The following BTBD9 variants were observed in gnomAD, a reference collection of about 807,000 sequenced individuals.
BTBD9 encodes the protein BTB domain containing 9, also known as BTB/POZ domain-containing protein 9.
A neutral mutation model predicts 64.3 loss-of-function variants in BTBD9; 49 were observed. That is an observed-to-expected ratio of 0.76 (90% CI 0.61 to 0.97). BTBD9 has a LOEUF of 0.97. BTBD9 is among the 50% of genes least tolerant of loss of function. The probability of loss-of-function intolerance (pLI) is 0.00; values close to 1 mark genes in which losing one functional copy is unlikely to be tolerated. For synonymous variants in BTBD9, 260 were observed against 274.7 expected, an observed-to-expected ratio of 0.95 and a Z score of 0.53; for missense variants, 598 against 762.1, an observed-to-expected ratio of 0.78 and a Z score of 2.53.
chr6:38,474,104 G>C (rs1056917770), intron 6 of BTBD9, among the ~76,000 whole-genome samples: 4 of 152,156 alleles, frequency 2.6e-5, no homozygotes, highest in Non-Finnish European at 5.9e-5. Flanking sequence ...ATAATGAGAA[G>C]CTTAATGGGT....
chr6:38,338,968 G>T (rs1366549897), intron 7 of BTBD9, among the ~76,000 whole-genome samples: 1 of 152,300 alleles, frequency 6.6e-6, no homozygotes, highest in Non-Finnish European at 1.5e-5. Context: ...AACATGCTCT[G>T]CTGGCAAGGC....
rs528581766 is a variant in BTBD9 at position 38,446,946 on chromosome 6, A to G, written c.1155-101853T>C. ...ACCAGGGCAGGCAAAATTCCTGTAC[A>G]CATGGCTAATTAGAAAGTCTGAATG... On this transcript the variant is annotated intron_variant, in intron 6 of 10. Transcript: ENST00000481247. Among the ~76,000 whole-genome samples the G allele has an allele frequency of 2.0e-5, 3 of 152,364 alleles. No individual in the cohort carries two copies. The East Asian group carries it at 5.8e-4, about 29-fold the overall frequency.
At chr6:38,485,490 T>C (rs1337581119) in intron 6 of BTBD9, among the ~76,000 whole-genome samples, 1 of 152,216 alleles carries the variant, frequency 6.6e-6, no homozygotes, top group Non-Finnish European at 1.5e-5. Context: ...GAATGGATGT[T>C]GTGTTAACAG....
intron 6 of BTBD9, among the ~76,000 whole-genome samples, chr6:38,513,569 A>G (rs1305569157): frequency 6.6e-6 from 1 of 152,220 alleles, no homozygotes; most frequent in African/African-American, 2.4e-5. Context: ...AAATCAAATT[A>G]GGTCTACTAC....
chr6:38,379,970 T>C (rs1299459212), intron 6 of BTBD9, among the ~76,000 whole-genome samples: 1 of 152,270 alleles, frequency 6.6e-6, no homozygotes, highest in South Asian at 2.1e-4. Context: ...AATATAGGTA[T>C]GTATAAATGC....
intron 8 of BTBD9, among the ~76,000 whole-genome samples, chr6:38,286,066 A>G (rs749360295): frequency 2.0e-5 from 3 of 152,178 alleles, no homozygotes; most frequent in Non-Finnish European, 4.4e-5. Flanking sequence ...TTGTACAGGT[A>G]GCTGATGTGG....
At chr6:38,430,214 T>TTTTTA (rs1056729523) in intron 6 of BTBD9, among the ~76,000 whole-genome samples, 1 of 151,932 alleles carries the variant, frequency 6.6e-6, no homozygotes, top group Non-Finnish European at 1.5e-5. Flanking sequence ...GCTTTAAACT[T>TTTTTA]TTTTATTTTA....
intron 9 of BTBD9, among the ~76,000 whole-genome samples, chr6:38,234,446 G>A (rs1330994568): frequency 6.6e-6 from 1 of 152,170 alleles, no homozygotes; most frequent in Non-Finnish European, 1.5e-5. Flanking sequence ...GACCCCACAT[G>A]GAAGAGTTGA....
chr6:38,620,014 T>A (rs1335494040), intron 1 of BTBD9, among the ~76,000 whole-genome samples: 1 of 152,160 alleles, frequency 6.6e-6, no homozygotes, highest in Non-Finnish European at 1.5e-5. Context: ...GGGCAAAAAA[T>A]GCCTGCCCAG....
chr6:38,505,964 C>CAACAAAAAAAAAAAAAAA (rs1175511241), intron 6 of BTBD9, among the ~76,000 whole-genome samples: 53 of 82,652 alleles, frequency 6.4e-4, no homozygotes, highest in African/African-American at 2.1e-3. Flanking sequence ...TCCGTCTCAA[C>CAACAAAAAAAAAAAAAAA]AAAAAAAAAA....
intron 6 of BTBD9, among the ~76,000 whole-genome samples, chr6:38,554,827 T>C (rs1774947981): frequency 6.6e-6 from 1 of 152,216 alleles, no homozygotes; most frequent in Non-Finnish European, 1.5e-5. Context: ...CAGCAGGGTA[T>C]ATGAAACTCC....
At position 38,545,855 on chromosome 6, in the gene BTBD9, T is replaced by TACACACACACACAC. The variant is rs34465570; in HGVS notation, c.1154+31731_1154+31744dup. On this transcript the variant is annotated intron_variant, in intron 6 of 10. Coordinates refer to ENST00000481247, the MANE Select transcript of BTBD9 (RefSeq NM_001099272.2). ...TATTTAAAACACACACACACACACATACACACACACACACACACACACACA... is the reference window on the plus strand; with the variant it reads ...TATTTAAAACACACACACACACACATACACACACACACACACACACACACACACACACACACACA... Among the ~76,000 whole-genome samples, 47 of 130,644 alleles carry TACACACACACACAC rather than the reference T, an allele frequency of 3.6e-4. 1 individual carries two copies. The highest frequency in any genetic ancestry group is 1.9e-3 in the South Asian group (7 of 3,632). 85.7% of individuals were successfully genotyped at this position (130,644 alleles called of 152,430 possible).
intron 6 of BTBD9, among the ~76,000 whole-genome samples, chr6:38,510,148 C>G (rs949908762): frequency 2.0e-5 from 3 of 152,300 alleles, no homozygotes; most frequent in Middle Eastern, 6.8e-3. Flanking sequence ...GGGATACATT[C>G]TGAGAAATGC....
intron 9 of BTBD9, among the ~76,000 whole-genome samples, chr6:38,214,973 C>T (rs1316955897): frequency 6.6e-6 from 1 of 152,178 alleles, no homozygotes; most frequent in Admixed American, 6.5e-5. Context: ...AAAAGTTATC[C>T]TTGGCACACG....
At chr6:38,602,849 C>T (rs1051891371) in intron 1 of BTBD9, among the ~76,000 whole-genome samples, 2 of 151,680 alleles carry the variant, frequency 1.3e-5, no homozygotes, top group African/African-American at 4.8e-5. Flanking sequence ...TACATTAAAA[C>T]TGGCAAGAGA....
chr6:38,595,604 TAAG>T (rs1253075261), intron 2 of BTBD9, among the ~76,000 whole-genome samples: 3 of 152,074 alleles, frequency 2.0e-5, no homozygotes, highest in African/African-American at 7.2e-5. Flanking sequence ...AGACTGGAAA[TAAG>T]AAAGAGATTC....
chr6:38,496,093 T>C (rs980288323), intron 6 of BTBD9, among the ~76,000 whole-genome samples: 5 of 152,134 alleles, frequency 3.3e-5, no homozygotes, highest in Non-Finnish European at 5.9e-5. Context: ...AGAGGCCTGA[T>C]GTGAAAGTGA....
At chr6:38,371,587 T>G (rs1765430128) in intron 6 of BTBD9, among the ~76,000 whole-genome samples, 1 of 152,176 alleles carries the variant, frequency 6.6e-6, no homozygotes, top group Non-Finnish European at 1.5e-5. Flanking sequence ...ATCGCCATGA[T>G]TCATTAATGT....
At chr6:38,213,151 C>T (rs144197784) in intron 9 of BTBD9, among the ~76,000 whole-genome samples, 180 of 152,176 alleles carry the variant, frequency 1.2e-3, no homozygotes, top group African/African-American at 4.0e-3. Flanking sequence ...GATCACCAGA[C>T]GGTCTCAGAA....
Sources: allele counts gnomAD v4.1 joint callset (sites outside exome capture counted in the v4.1 genomes callset), GRCh38; gene constraint gnomAD v4.1.1; transcripts MANE v1.5; gene names NCBI Gene and HGNC (gene_info 2026-07-23, HGNC 2026-07-21).